L3MBTL4: variants seen among roughly 807,000 people sequenced by gnomAD.
The protein encoded by L3MBTL4 is lethal(3)malignant brain tumor-like protein 4.
Under a neutral mutation model 84.5 loss-of-function variants are expected in L3MBTL4, and 70 were observed. The observed-to-expected ratio is 0.83, with a 90% confidence interval of 0.68 to 1.01. The LOEUF is 1.01. Among genes scored for constraint, L3MBTL4 ranks in the 50% least tolerant of loss-of-function variants. The pLI, the probability that L3MBTL4 is intolerant of heterozygous loss-of-function variation, is 0.00. For synonymous variants in L3MBTL4, 274 were observed against 259.8 expected (o/e 1.05, Z -0.52); for missense variants, 715 against 754.8 (o/e 0.95, Z 0.62).
chr18:6,373,891 T>C (rs529471662), intron 1 of L3MBTL4, among the ~76,000 whole-genome samples: 1 of 152,224 alleles, frequency 6.6e-6, no homozygotes, highest in Non-Finnish European at 1.5e-5. Context: ...TTTTGTTTTG[T>C]TTTGTTTCCT....
chr18:6,360,694 T>C (rs1006945224), intron 1 of L3MBTL4, among the ~76,000 whole-genome samples: 15 of 152,202 alleles, frequency 9.9e-5, no homozygotes, highest in Non-Finnish European at 1.6e-4. Context: ...TCAAGAATGA[T>C]ACTGGGGCAG....
chr18:6,013,538 C>T (rs2054829168), intron 16 of L3MBTL4, among the ~76,000 whole-genome samples: 1 of 152,252 alleles, frequency 6.6e-6, no homozygotes, highest in Admixed American at 6.5e-5. Context: ...TCTCACTCTG[C>T]TCATACCCTT....
chr18:6,154,981 T>C (rs781303040), intron 13 of L3MBTL4, among the ~76,000 whole-genome samples: 2 of 152,190 alleles, frequency 1.3e-5, no homozygotes, highest in Non-Finnish European at 2.9e-5. Context: ...ATCTAAAAAA[T>C]ATAAACTGCT....
chr18:5,969,516 G>A lies in L3MBTL4; in HGVS notation c.1491C>T (p.Ser497=), dbSNP rs770619603. 17 of 1,613,564 alleles carry A rather than the reference G, an allele frequency of 1.1e-5. No individual in the cohort carries two copies. In the South Asian group the frequency reaches 1.6e-4, roughly 16 times the overall value. The change falls in exon 17 of 19, where the codon TCC becomes TCT. Residue 497 remains serine (S), a synonymous_variant. Transcript: ENST00000317931. ...AAGGGTGGGCTGACACCGTGGACAT[G>A]GACACTGACTGGTGAAGCACCTGCT... ...QAQQVLHQSV[S]MSTVSAHPFR... is the part of the protein sequence containing the mutation.
intron 16 of L3MBTL4, among the ~76,000 whole-genome samples, chr18:6,013,403 T>A (rs777110502): frequency 2.6e-5 from 4 of 152,228 alleles, no homozygotes; most frequent in Non-Finnish European, 4.4e-5. Flanking sequence ...CAGAACGCAA[T>A]GTGTAAAAAA....
At chr18:6,185,011 C>G (rs548095276) in intron 12 of L3MBTL4, among the ~76,000 whole-genome samples, 1 of 152,254 alleles carries the variant, frequency 6.6e-6, no homozygotes, top group East Asian at 1.9e-4. Flanking sequence ...ATGAGAAATA[C>G]AGGAAAAGAA....
intron 1 of L3MBTL4, among the ~76,000 whole-genome samples, chr18:6,372,763 A>C (rs1329044242): frequency 6.6e-6 from 1 of 152,186 alleles, no homozygotes; most frequent in Non-Finnish European, 1.5e-5. Flanking sequence ...AAAATATGTA[A>C]ATTGCTTCAG....
intron 12 of L3MBTL4, among the ~76,000 whole-genome samples, chr18:6,184,069 A>G (rs2044608750): frequency 1.3e-5 from 2 of 152,218 alleles, no homozygotes; most frequent in Non-Finnish European, 2.9e-5. Flanking sequence ...TATAAGCAAA[A>G]TGGAAGTATA....
chr18:6,087,178 T>C (rs896843804), intron 15 of L3MBTL4, among the ~76,000 whole-genome samples: 4 of 152,202 alleles, frequency 2.6e-5, no homozygotes, highest in African/African-American at 9.7e-5. Context: ...ATATGTCTAA[T>C]TTCGGGACCT....
At chr18:6,349,707 G>A (rs938108139) in intron 1 of L3MBTL4, among the ~76,000 whole-genome samples, 2 of 151,936 alleles carry the variant, frequency 1.3e-5, no homozygotes, top group African/African-American at 4.8e-5. Flanking sequence ...GTGACAGAAT[G>A]AGACCCTGTT....
intron 7 of L3MBTL4, among the ~76,000 whole-genome samples, chr18:6,242,952 T>A (rs2047513318): frequency 6.6e-6 from 1 of 152,226 alleles, no homozygotes; most frequent in Non-Finnish European, 1.5e-5. Context: ...TATCATTGAT[T>A]AGATATTTTG....
chr18:5,998,831 G>A (rs577102749), intron 16 of L3MBTL4, among the ~76,000 whole-genome samples: 7 of 152,266 alleles, frequency 4.6e-5, no homozygotes, highest in Admixed American at 2.6e-4. Flanking sequence ...TCAGCAGCCT[G>A]GCCAGCTGCC....
At chr18:6,009,250 A>T (rs2054626121) in intron 16 of L3MBTL4, among the ~76,000 whole-genome samples, 1 of 152,190 alleles carries the variant, frequency 6.6e-6, no homozygotes, top group Non-Finnish European at 1.5e-5. Flanking sequence ...CCTCAGGCTG[A>T]CAGTACAGGT....
At chr18:6,268,336 G>A (rs929371070) in intron 4 of L3MBTL4, among the ~76,000 whole-genome samples, 1 of 152,158 alleles carries the variant, frequency 6.6e-6, no homozygotes, top group African/African-American at 2.4e-5. Context: ...GAACCCGGGA[G>A]GCAGAGATTG....
At chr18:5,970,527 G>A (rs2052589234) in intron 16 of L3MBTL4, among the ~76,000 whole-genome samples, 1 of 152,114 alleles carries the variant, frequency 6.6e-6, no homozygotes, top group Non-Finnish European at 1.5e-5. Context: ...ATATTACAGA[G>A]ATTTCAGAGA....
At chr18:6,238,401 C>T (rs903946780) in intron 9 of L3MBTL4, among the ~76,000 whole-genome samples, 24 of 152,036 alleles carry the variant, frequency 1.6e-4, no homozygotes, top group African/African-American at 4.1e-4. Context: ...GGTGTGGTGG[C>T]GGGCGCCTGT....
chr18:6,317,765 T>A (rs1320437015), intron 1 of L3MBTL4, among the ~76,000 whole-genome samples: 7 of 152,118 alleles, frequency 4.6e-5, no homozygotes, highest in Non-Finnish European at 1.0e-4. Flanking sequence ...CCTGGGAGAC[T>A]CACTGCAAAA....
chr18:6,163,018 C>G (rs1006005765), intron 13 of L3MBTL4, among the ~76,000 whole-genome samples: 1 of 151,884 alleles, frequency 6.6e-6, no homozygotes, highest in Non-Finnish European at 1.5e-5. Flanking sequence ...GTTTTAATAA[C>G]GTGGAAAACG....
chr18:6,241,221 T>G (rs899336511), intron 8 of L3MBTL4, 137 bp downstream of exon 8: 2 of 617,408 alleles, frequency 3.2e-6, no homozygotes, highest in Non-Finnish European at 5.8e-6. Context: ...AACTGACGAA[T>G]TAGGTGAGAA....
Sources: gnomAD v4.1 joint callset for allele counts (sites outside exome capture counted in the v4.1 genomes callset) on GRCh38, gnomAD v4.1.1 for gene constraint, MANE v1.5 for transcripts, NCBI Gene and HGNC (gene_info 2026-07-23, HGNC 2026-07-21) for gene names.